The following GRIA3 variants were observed in gnomAD, a reference collection of about 807,000 sequenced individuals.
The protein encoded by GRIA3 is glutamate receptor 3.
A neutral mutation model predicts 63.0 loss-of-function variants in GRIA3; 3 were observed. That is an observed-to-expected ratio of 0.05 (90% CI 0.02 to 0.12). The LOEUF (loss-of-function observed/expected upper bound fraction) is 0.12. GRIA3 is among the 10% of genes least tolerant of loss of function. The pLI is 1.00. For missense variants in GRIA3, 347 were observed against 700.9 expected (o/e 0.50, Z 5.70); for synonymous variants, 274 against 257.9 (o/e 1.06, Z -0.60).
chrX:123,274,372 G>A (rs1165748200), intron 3 of GRIA3, among the ~76,000 whole-genome samples: 1 of 111,851 alleles, frequency 8.9e-6, no homozygotes. Flanking sequence ...CCTATAGCAT[G>A]GAACACTGGT....
chrX:123,216,528 G>A (rs1266092522), intron 2 of GRIA3, among the ~76,000 whole-genome samples: 4 of 111,163 alleles, frequency 3.6e-5, no homozygotes, highest in Non-Finnish European at 7.5e-5. Flanking sequence ...GGGGTTTTGG[G>A]GATTGACAAG....
At chrX:123,205,287 C>G (rs970361826) in intron 2 of GRIA3, among the ~76,000 whole-genome samples, 3 of 111,850 alleles carry the variant, frequency 2.7e-5, no homozygotes, top group African/African-American at 9.8e-5. Context: ...ATGAGTGGTT[C>G]TAAGCTAATT....
intron 12 of GRIA3, among the ~76,000 whole-genome samples, chrX:123,463,692 A>AGAGAG (rs1569440905): frequency 6.5e-5 from 2 of 30,575 alleles, no homozygotes; most frequent in African/African-American, 5.0e-4. Flanking sequence ...AAGAGAGAGA[A>AGAGAG]AGAAAGAAAA....
At chrX:123,273,905 G>A (rs5956531) in intron 3 of GRIA3, among the ~76,000 whole-genome samples, 40,929 of 111,087 alleles carry the variant, frequency 0.37, 6,518 homozygotes, top group African/African-American at 0.62. Context: ...GGCTCAATAT[G>A]CAACCTCTCT....
intron 5 of GRIA3, among the ~76,000 whole-genome samples, chrX:123,372,512 A>G (rs949658581): frequency 6.2e-5 from 7 of 112,295 alleles, no homozygotes; most frequent in Non-Finnish European, 3.8e-5. Context: ...TGAACATGGA[A>G]TATCTTTCCA....
In GRIA3 at chrX:123,417,797, C is replaced by T. The variant is rs774035094; in HGVS notation, c.1877+19C>T. 9 of 1,151,788 alleles carry T rather than the reference C, an allele frequency of 7.8e-6. No individual in the cohort carries two copies. In the Admixed American group the frequency reaches 2.0e-4, roughly 26 times the overall value. The allele number at this position is 1,151,788 out of a possible 1,213,427, so 94.9% of individuals were successfully genotyped here. A position where few individuals can be genotyped will look rare whatever the true frequency, so the allele number is the denominator to read the frequency against. ...CTCCAAGGTTTGTTTTTGTGGCATA[C>T]TCAATGCCTCATTGCATTTTATGGT... is the stretch of plus-strand genomic sequence containing the variant. On this transcript the variant is annotated intron_variant, in intron 11 of 15. Coordinates refer to ENST00000620443, the MANE Select transcript of GRIA3 (RefSeq NM_007325.5).
intron 3 of GRIA3, among the ~76,000 whole-genome samples, chrX:123,262,405 C>A (rs750004199): frequency 9.0e-6 from 1 of 111,573 alleles, no homozygotes; most frequent in Non-Finnish European, 1.9e-5. Flanking sequence ...TGGTACACAT[C>A]CTACAATGCA....
intron 2 of GRIA3, among the ~76,000 whole-genome samples, chrX:123,199,436 C>T (rs1927668709): frequency 9.1e-6 from 1 of 110,339 alleles, no homozygotes; most frequent in African/African-American, 3.3e-5. Context: ...CTCCTCTTCT[C>T]ATTTCCTATT....
intron 2 of GRIA3, among the ~76,000 whole-genome samples, chrX:123,227,270 CT>C: frequency 8.9e-6 from 1 of 111,773 alleles, no homozygotes; most frequent in East Asian, 2.8e-4. Context: ...TGCTGTGATC[CT>C]TGTGACATAG....
intron 12 of GRIA3, among the ~76,000 whole-genome samples, chrX:123,448,377 C>G (rs559878952): frequency 9.0e-6 from 1 of 111,685 alleles, no homozygotes; most frequent in Non-Finnish European, 1.9e-5. Context: ...CAACCTACCC[C>G]CCTGTCTCTC....
chrX:123,322,298 G>T (rs1439305830), intron 3 of GRIA3, among the ~76,000 whole-genome samples: 2 of 112,079 alleles, frequency 1.8e-5, no homozygotes, highest in Non-Finnish European at 3.8e-5. Context: ...TACCTATATG[G>T]TAACTACCAT....
At chrX:123,368,645 T>G (rs967794669) in intron 5 of GRIA3, among the ~76,000 whole-genome samples, 1 of 110,916 alleles carries the variant, frequency 9.0e-6, no homozygotes, top group African/African-American at 3.3e-5. Flanking sequence ...ACCCCCACCC[T>G]TTCCCTTTCC....
chrX:123,208,150 A>G (rs1927942737), intron 2 of GRIA3, among the ~76,000 whole-genome samples: 1 of 112,773 alleles, frequency 8.9e-6, no homozygotes, highest in African/African-American at 3.2e-5. Context: ...CTAAGTAGAG[A>G]GGCAGTCATT....
At chrX:123,463,569 AGG>A (rs2045806232) in intron 12 of GRIA3, among the ~76,000 whole-genome samples, 1 of 32,641 alleles carries the variant, frequency 3.1e-5, no homozygotes, top group Non-Finnish European at 4.9e-5. Context: ...GAAGGAAGGA[AGG>A]AAGGAAGGGA....
chrX:123,431,308 G>T (rs1037692746), intron 12 of GRIA3, among the ~76,000 whole-genome samples: 18 of 112,018 alleles, frequency 1.6e-4, no homozygotes, highest in African/African-American at 5.8e-4. Context: ...GAGTAAAGCT[G>T]CCATTAAAAT....
chrX:123,482,965 C>A lies in GRIA3; in HGVS notation c.2606C>A (p.Ala869Asp). The change falls in exon 15 of 16, where the codon GCT (alanine) becomes GAT (aspartate). Residue 869 changes from alanine (A) to aspartate (D), a missense_variant. Ala to Asp is a moderately radical substitution (Grantham distance 126, BLOSUM62 -2). Coordinates refer to ENST00000620443, the MANE Select transcript of GRIA3 (RefSeq NM_007325.5). ...AAGAACACCCAAAACTTTAAGCCTGCTCCTGCCACCAACACTCAGAATTAT... is the reference window on the plus strand; with the variant it reads ...AAGAACACCCAAAACTTTAAGCCTGATCCTGCCACCAACACTCAGAATTAT... Reference protein sequence around the residue: ...LTKNTQNFKPAPATNTQNYAT... With the variant: ...LTKNTQNFKPDPATNTQNYAT... 2 of 1,205,438 alleles carry A rather than the reference C, an allele frequency of 1.7e-6. No individual in the cohort carries two copies. Among genetic ancestry groups the A allele is most frequent in the Non-Finnish European group, 2.2e-6 (2 of 889,793 alleles).
chrX:123,206,584 G>A (rs1307017965), intron 2 of GRIA3, among the ~76,000 whole-genome samples: 3 of 110,756 alleles, frequency 2.7e-5, no homozygotes, highest in Non-Finnish European at 5.7e-5. Context: ...TTACTGGCAC[G>A]AGGTTCTCCA....
intron 5 of GRIA3, among the ~76,000 whole-genome samples, chrX:123,391,403 T>C (rs147160312): frequency 8.9e-6 from 1 of 112,043 alleles, no homozygotes; most frequent in South Asian, 3.8e-4. Context: ...TGATGATTTA[T>C]CTGGCTGTAA....
intron 12 of GRIA3, among the ~76,000 whole-genome samples, chrX:123,437,175 T>G (rs1186976931): frequency 1.9e-5 from 2 of 107,891 alleles, no homozygotes; most frequent in Non-Finnish European, 3.8e-5. Flanking sequence ...GGTCAGAGAG[T>G]AAATGTATTG....
Sources: gnomAD v4.1 joint callset for allele counts (sites outside exome capture counted in the v4.1 genomes callset) on GRCh38, gnomAD v4.1.1 for gene constraint, MANE v1.5 for transcripts, NCBI Gene and HGNC (gene_info 2026-07-23, HGNC 2026-07-21) for gene names.